SLC38A1: variants seen among roughly 807,000 people sequenced by gnomAD.
SLC38A1 encodes sodium-coupled neutral amino acid symporter 1.
A neutral mutation model predicts 60.3 loss-of-function variants in SLC38A1; 18 were observed. That is an observed-to-expected ratio of 0.30 (90% confidence interval 0.21 to 0.44). The LOEUF is 0.44. Among genes scored for constraint, SLC38A1 ranks in the 20% least tolerant of loss-of-function variants. The pLI is 1.00. For missense variants in SLC38A1, 448 were observed against 587.2 expected (o/e 0.76, Z 2.45); for synonymous variants, 196 against 212.1 (o/e 0.92, Z 0.66).
intron 14 of SLC38A1, among the ~76,000 whole-genome samples, chr12:46,198,273 T>TG (rs3217539): frequency 0.19 from 29,223 of 152,030 alleles, 3,574 homozygotes; most frequent in African/African-American, 0.35. Flanking sequence ...GTTTTCTTGT[T>TG]GGGGGGTGTA....
rs80085627 is a variant in SLC38A1, at chr12:46,205,691, G to A, written c.646+389C>T. On this transcript the variant is annotated intron_variant, in intron 9 of 16. Coordinates refer to ENST00000398637, the MANE Select transcript of SLC38A1 (RefSeq NM_030674.4). Reference sequence around the variant, plus strand: ...TATAATACTTGTGGGTATAAATCTAGGCAGCTTTCTGTCTCCATATTAGAT... The same window carrying A: ...TATAATACTTGTGGGTATAAATCTAAGCAGCTTTCTGTCTCCATATTAGAT... Among the ~76,000 whole-genome samples, 1,050 of 152,226 alleles carry A rather than the reference G, an allele frequency of 6.9e-3. 15 individuals carry two copies. The highest frequency in any genetic ancestry group is 0.023 in the African/African-American group (965 of 41,544).
chr12:46,192,446 T>C (rs1240063495), intron 16 of SLC38A1, among the ~76,000 whole-genome samples: 1 of 152,214 alleles, frequency 6.6e-6, no homozygotes, highest in South Asian at 2.1e-4. Flanking sequence ...GCTAGCCTCA[T>C]AAAATGAGTT....
At chr12:46,220,123 A>G (rs1177406577) in intron 5 of SLC38A1, among the ~76,000 whole-genome samples, 1 of 152,220 alleles carries the variant, frequency 6.6e-6, no homozygotes, top group Non-Finnish European at 1.5e-5. Context: ...TCTGTTTACA[A>G]AATAGGCACT....
chr12:46,256,964 A>C (rs1452426834), intron 1 of SLC38A1, among the ~76,000 whole-genome samples: 4 of 152,118 alleles, frequency 2.6e-5, no homozygotes, highest in Non-Finnish European at 5.9e-5. Context: ...ACCCTGAGTA[A>C]TAGAAAAGAT....
chr12:46,189,511 A>C (rs548115564), intron 16 of SLC38A1, among the ~76,000 whole-genome samples: 1 of 152,336 alleles, frequency 6.6e-6, no homozygotes, highest in Admixed American at 6.5e-5. Flanking sequence ...TGGAAAAAAA[A>C]CATACAAAAG....
intron 1 of SLC38A1, among the ~76,000 whole-genome samples, chr12:46,250,324 G>C (rs1343447230): frequency 6.6e-6 from 1 of 152,172 alleles, no homozygotes; most frequent in East Asian, 1.9e-4. Flanking sequence ...ACTGGGTATT[G>C]ATGGAACGTT....
intron 16 of SLC38A1, among the ~76,000 whole-genome samples, chr12:46,194,724 A>G (rs1939289528): frequency 6.6e-6 from 1 of 152,076 alleles, no homozygotes; most frequent in Non-Finnish European, 1.5e-5. Context: ...CGAATCGGCT[A>G]TTGAAGCTTG....
chr12:46,247,822 C>G (rs1941674714), intron 1 of SLC38A1, among the ~76,000 whole-genome samples: 1 of 152,216 alleles, frequency 6.6e-6, no homozygotes, highest in South Asian at 2.1e-4. Context: ...GCCCATCAGA[C>G]TAACAGCAGA....
rs943997517 is a variant in SLC38A1, at chr12:46,238,555, C to T, written c.122+1124G>A. The stretch of plus-strand genomic sequence containing the variant: ...GGTGTTCTAACAGTCCTGCATATGT[C>T]ACTCTCTTCTCCTAATCTTTCAGGA... On this transcript the variant is annotated intron_variant, in intron 3 of 16. Coordinates refer to ENST00000398637, the MANE Select transcript of SLC38A1 (RefSeq NM_030674.4). Among the ~76,000 whole-genome samples, 5 of 152,182 alleles carry T rather than the reference C, an allele frequency of 3.3e-5. No individual in the cohort carries two copies. The South Asian group carries it at 6.2e-4, about 19-fold the overall frequency.
At position 46,249,027 on chromosome 12, in the gene SLC38A1, G is replaced by A. The variant is rs1476711822; in HGVS notation, c.-208-5713C>T. 3.3e-5 allele frequency among the ~76,000 whole-genome samples: 5 copies of A among 151,858 alleles called. No individual in the cohort carries two copies. In the South Asian group the frequency reaches 8.3e-4, roughly 25 times the overall value. On this transcript the variant is annotated intron_variant, in intron 1 of 16. Coordinates refer to ENST00000398637, the MANE Select transcript of SLC38A1 (RefSeq NM_030674.4). ...AAAAATTAACCAGGTGCGGTGGCGG[G>A]TGCCTGTAGTCCCAGCTACTTGGGA...
intron 5 of SLC38A1, among the ~76,000 whole-genome samples, chr12:46,225,081 T>C (rs894124268): frequency 6.6e-6 from 1 of 152,134 alleles, no homozygotes; most frequent in African/African-American, 2.4e-5. Flanking sequence ...GTAAAGCTGC[T>C]AGGATAAAAT....
intron 6 of SLC38A1, among the ~76,000 whole-genome samples, chr12:46,207,934 G>C (rs993790623): frequency 1.5e-4 from 23 of 152,240 alleles, no homozygotes; most frequent in African/African-American, 5.5e-4. Flanking sequence ...TTCCTTCTGT[G>C]ATCTTTTTCT....
intron 1 of SLC38A1, among the ~76,000 whole-genome samples, chr12:46,250,990 AC>A: frequency 6.6e-6 from 1 of 152,314 alleles, no homozygotes; most frequent in South Asian, 2.1e-4. Flanking sequence ...TGGAAAAAAA[AC>A]TACTTTAAAG....
chr12:46,266,309 A>G (rs990472210), intron 1 of SLC38A1, among the ~76,000 whole-genome samples: 2 of 152,332 alleles, frequency 1.3e-5, no homozygotes, highest in Admixed American at 6.5e-5. Context: ...CTTTCATTAA[A>G]TGGCCTTAAT....
At chr12:46,219,440 C>G (rs746841635) in intron 5 of SLC38A1, among the ~76,000 whole-genome samples, 36 of 152,130 alleles carry the variant, frequency 2.4e-4, no homozygotes, top group Non-Finnish European at 2.8e-4. Flanking sequence ...AAAAGTCAAT[C>G]TTACCTAGCC....
chr12:46,210,248 A>G (rs1198596111), intron 5 of SLC38A1, among the ~76,000 whole-genome samples: 1 of 152,168 alleles, frequency 6.6e-6, no homozygotes, highest in Non-Finnish European at 1.5e-5. Flanking sequence ...CTATGATCCT[A>G]CAGTGTTTTG....
chr12:46,216,928 G>A (rs1350067520), intron 5 of SLC38A1, among the ~76,000 whole-genome samples: 3 of 152,058 alleles, frequency 2.0e-5, no homozygotes, highest in Non-Finnish European at 2.9e-5. Flanking sequence ...CAAAGAGACA[G>A]GGACAAGGTG....
At chr12:46,241,630 C>A (rs546366633) in intron 2 of SLC38A1, among the ~76,000 whole-genome samples, 1 of 152,266 alleles carries the variant, frequency 6.6e-6, no homozygotes, top group South Asian at 2.1e-4. Flanking sequence ...CTAGAGACGG[C>A]CCATTTCTGA....
At chr12:46,257,072 C>A (rs535348101) in intron 1 of SLC38A1, among the ~76,000 whole-genome samples, 6 of 152,226 alleles carry the variant, frequency 3.9e-5, no homozygotes, top group Admixed American at 1.3e-4. Flanking sequence ...CATTGCAGCA[C>A]CACTGAAAAG....
Sources: gnomAD v4.1 joint callset for allele counts (sites outside exome capture counted in the v4.1 genomes callset) on GRCh38, gnomAD v4.1.1 for gene constraint, MANE v1.5 for transcripts, NCBI Gene and HGNC (gene_info 2026-07-23, HGNC 2026-07-21) for gene names.